Variants in SYT16 observed in about 807,000 individuals in gnomAD.
SYT16 encodes the protein synaptotagmin-16.
A neutral mutation model predicts 61.4 loss-of-function variants in SYT16; 42 were observed. The ratio of observed to expected loss-of-function variants is 0.68; its 90% CI spans 0.53 to 0.89. The LOEUF is 0.89. SYT16 is among the 40% of genes least tolerant of loss of function. The pLI is 0.00. For synonymous variants in SYT16, 314 were observed against 302.3 expected (o/e 1.04, Z -0.40); for missense variants, 804 against 807.3 (o/e 1.00, Z 0.05).
At chr14:62,055,007 CT>C (rs376648377) in intron 3 of SYT16, among the ~76,000 whole-genome samples, 171 of 152,270 alleles carry the variant, frequency 1.1e-3, no homozygotes, top group African/African-American at 3.8e-3. Flanking sequence ...AAAAATCTTT[CT>C]AGTCAGAGAA....
intron 1 of SYT16, among the ~76,000 whole-genome samples, chr14:61,824,231 T>A (rs1257258406): frequency 2.0e-5 from 3 of 152,222 alleles, no homozygotes; most frequent in African/African-American, 7.2e-5. Flanking sequence ...TTTTTCTTTT[T>A]TGGTCTTATT....
At chr14:61,953,433 T>A (rs1158179491) in intron 1 of SYT16, among the ~76,000 whole-genome samples, 2 of 152,234 alleles carry the variant, frequency 1.3e-5, no homozygotes, top group Non-Finnish European at 2.9e-5. Flanking sequence ...GCCAAGTAGT[T>A]CTAGAGGTCT....
At chr14:61,976,535 G>A (rs1476923325) in intron 2 of SYT16, among the ~76,000 whole-genome samples, 1 of 152,104 alleles carries the variant, frequency 6.6e-6, no homozygotes, top group Non-Finnish European at 1.5e-5. Flanking sequence ...TTCAATTCTT[G>A]ACTTCTGTGC....
chr14:61,963,709 T>C (rs2140507749), intron 1 of SYT16, among the ~76,000 whole-genome samples: 1 of 152,284 alleles, frequency 6.6e-6, no homozygotes, highest in Non-Finnish European at 1.5e-5. Context: ...CCAAACAGTC[T>C]TCTACTGGAA....
chr14:62,046,033 C>G (rs904442363), intron 3 of SYT16, among the ~76,000 whole-genome samples: 11 of 152,314 alleles, frequency 7.2e-5, no homozygotes, highest in African/African-American at 2.6e-4. Context: ...GCCACACTGA[C>G]TTCCACAGGG....
At chr14:62,071,568 C>T (rs1057434383) in intron 4 of SYT16, among the ~76,000 whole-genome samples, 5 of 152,148 alleles carry the variant, frequency 3.3e-5, no homozygotes, top group Admixed American at 1.3e-4. Flanking sequence ...ACATGCCAAA[C>T]TTTAGGTTAC....
intron 1 of SYT16, among the ~76,000 whole-genome samples, chr14:61,945,855 C>CAAAAAA (rs60917584): frequency 6.2e-5 from 4 of 64,510 alleles, no homozygotes; most frequent in Admixed American, 2.6e-4. Flanking sequence ...GACTCCGTCT[C>CAAAAAA]AAAAAAAAAA....
chr14:61,878,407 C>T (rs574388637), intron 1 of SYT16, among the ~76,000 whole-genome samples: 13 of 152,130 alleles, frequency 8.5e-5, no homozygotes, highest in Non-Finnish European at 1.9e-4. Flanking sequence ...TTATCAGGAG[C>T]ATGAAAGGAA....
chr14:62,042,580 G>C lies in SYT16; in HGVS notation c.524-27023G>C, dbSNP rs186863862. On this transcript the variant is annotated intron_variant, in intron 3 of 7. Coordinates refer to ENST00000683842, the MANE Select transcript of SYT16 (RefSeq NM_001367656.1). ...TCTAGTTGGAACAGGCACTATTTGT[G>C]GCTCTCAGTGAGCCCTGGGTACTGT... Among the ~76,000 whole-genome samples the C allele has an allele frequency of 5.5e-4, 83 of 152,280 alleles. 1 individual carries two copies. Among genetic ancestry groups the C allele is most frequent in the African/African-American group, 1.9e-3 (80 of 41,564 alleles).
chr14:61,828,841 C>A (rs774655917), intron 1 of SYT16, among the ~76,000 whole-genome samples: 1 of 152,184 alleles, frequency 6.6e-6, no homozygotes, highest in African/African-American at 2.4e-5. Context: ...AGATCAAATT[C>A]TTTTTCCTTA....
At chr14:62,088,382 C>G (rs1030300698) in intron 7 of SYT16, among the ~76,000 whole-genome samples, 4 of 152,082 alleles carry the variant, frequency 2.6e-5, no homozygotes, top group African/African-American at 9.7e-5. Context: ...AGCAAAACTA[C>G]TCTATAGTGG....
intron 2 of SYT16, among the ~76,000 whole-genome samples, chr14:61,984,474 A>T (rs2052218983): frequency 6.6e-6 from 1 of 152,112 alleles, no homozygotes; most frequent in Non-Finnish European, 1.5e-5. Flanking sequence ...CTATTGCAGG[A>T]CTCATATTTA....
intron 1 of SYT16, among the ~76,000 whole-genome samples, chr14:61,961,214 G>T (rs2051104084): frequency 6.6e-6 from 1 of 152,102 alleles, no homozygotes; most frequent in African/African-American, 2.4e-5. Context: ...TCCTGGTAAA[G>T]ATTTTATGAC....
chr14:62,025,581 A>G (rs1340047999), intron 3 of SYT16, among the ~76,000 whole-genome samples: 1 of 152,098 alleles, frequency 6.6e-6, no homozygotes, highest in Non-Finnish European at 1.5e-5. Context: ...TGTTTTGCAG[A>G]GCAGATGTTT....
intron 2 of SYT16, among the ~76,000 whole-genome samples, chr14:61,978,007 T>A (rs1378243809): frequency 6.6e-6 from 1 of 152,194 alleles, no homozygotes; most frequent in Admixed American, 6.5e-5. Context: ...GCATTCTTTG[T>A]CTTGTGGCTG....
At chr14:61,857,868 G>T (rs1026157152) in intron 1 of SYT16, among the ~76,000 whole-genome samples, 1 of 152,052 alleles carries the variant, frequency 6.6e-6, no homozygotes, top group East Asian at 1.9e-4. Context: ...AGGAAAGTTT[G>T]GTCCCTTCTG....
chr14:61,903,383 T>C (rs919008865), intron 1 of SYT16, among the ~76,000 whole-genome samples: 14 of 152,216 alleles, frequency 9.2e-5, no homozygotes, highest in African/African-American at 3.1e-4. Flanking sequence ...TTCGTCTTTG[T>C]GCCACTTGCT....
In SYT16 at chr14:61,996,463, A is replaced by G; in HGVS notation, c.444A>G (p.Glu148=). The stretch of plus-strand genomic sequence containing the variant: ...TTGCGGAGGAAGAGCATCACCTTGA[A>G]AAGCAAAGAAGTGGCCTTCAACATG... ...SSIAEEEHHL[E]KQRSGLQHGF... The change falls in exon 3 of 8, where the codon GAA becomes GAG. Residue 148 remains glutamate (E), a synonymous_variant. Transcript: ENST00000683842. 6.2e-7 allele frequency: 1 copy of G among 1,613,362 alleles called. No homozygotes were observed. The highest frequency in any genetic ancestry group is 8.5e-7 in the Non-Finnish European group (1 of 1,179,496).
chr14:62,087,295 C>T (rs992367177), intron 7 of SYT16, among the ~76,000 whole-genome samples: 3 of 152,160 alleles, frequency 2.0e-5, no homozygotes, highest in Non-Finnish European at 2.9e-5. Flanking sequence ...AGGCGGAGGC[C>T]GCATGCCAAG....
Sources: gnomAD v4.1 joint callset for allele counts (sites outside exome capture counted in the v4.1 genomes callset) on GRCh38, gnomAD v4.1.1 for gene constraint, MANE v1.5 for transcripts, NCBI Gene and HGNC (gene_info 2026-07-23, HGNC 2026-07-21) for gene names.